Variants in GRIN2A observed in about 807,000 individuals in gnomAD.
GRIN2A encodes glutamate ionotropic receptor NMDA type subunit 2A.
GRIN2A carries 22 observed loss-of-function variants against 113.4 expected under a neutral mutation model. That is an observed-to-expected ratio of 0.19 (90% CI 0.14 to 0.28). GRIN2A has a LOEUF of 0.28. Ranked by LOEUF, GRIN2A falls within the 10% of genes least tolerant of loss-of-function variation. GRIN2A has a pLI of 1.00. For synonymous variants in GRIN2A, 827 were observed against 738.4 expected, an observed-to-expected ratio of 1.12 and a Z score of -1.94; for missense variants, 1,502 against 1,887.0, an observed-to-expected ratio of 0.80 and a Z score of 3.78.
At chr16:10,086,605 C>CAAAAAAAAA (rs3033377) in intron 2 of GRIN2A, among the ~76,000 whole-genome samples, 2 of 99,724 alleles carry the variant, frequency 2.0e-5, no homozygotes, top group Non-Finnish European at 4.0e-5. Flanking sequence ...GGAGCAGCTC[C>CAAAAAAAAA]AAAAAAAAAA....
intron 3 of GRIN2A, among the ~76,000 whole-genome samples, chr16:9,929,329 C>T (rs1223859325): frequency 6.6e-6 from 1 of 152,150 alleles, no homozygotes; most frequent in Non-Finnish European, 1.5e-5. Flanking sequence ...AATTGGATGT[C>T]CCTGACTCTC....
At chr16:10,017,451 C>G (rs1755074959) in intron 2 of GRIN2A, among the ~76,000 whole-genome samples, 1 of 152,060 alleles carries the variant, frequency 6.6e-6, no homozygotes, top group African/African-American at 2.4e-5. Flanking sequence ...AGTGCATGTT[C>G]TAGAGCCAAA....
intron 2 of GRIN2A, among the ~76,000 whole-genome samples, chr16:10,044,022 T>TATATATATATATAGAGAG (rs531659457): frequency 6.5e-5 from 7 of 108,014 alleles, no homozygotes; most frequent in African/African-American, 1.2e-4. Context: ...TATATATATA[T>TATATATATATATAGAGAG]AGAGAGAGAG....
rs768988228 is a variant in GRIN2A, at chr16:9,840,996, C to T, written c.1437G>A (p.Leu479=). Residue 479 remains leucine (L), a synonymous_variant, in exon 6 of 13, where the codon CTG becomes CTA. Transcript: ENST00000330684. ...RTVKFTYDLY[L]VTNGKHGKKV... is the part of the protein sequence containing the mutation. Reference sequence around the variant, plus strand: ...TCTTGCCATGCTTCCCATTGGTCACCAGATAGAGGTCGTAAGTAAACTTCA... The same window carrying T: ...TCTTGCCATGCTTCCCATTGGTCACTAGATAGAGGTCGTAAGTAAACTTCA... 2.5e-6 allele frequency: 4 copies of T among 1,613,538 alleles called. No homozygotes were observed. Among genetic ancestry groups the T allele is most frequent in the Admixed American group, 1.7e-5 (1 of 59,970 alleles).
intron 2 of GRIN2A, among the ~76,000 whole-genome samples, chr16:9,946,669 G>A (rs2045024794): frequency 1.3e-5 from 2 of 152,090 alleles, no homozygotes; most frequent in Admixed American, 1.3e-4. Context: ...ATTCGGGGGT[G>A]GAACATTTCC....
intron 2 of GRIN2A, among the ~76,000 whole-genome samples, chr16:10,086,605 CAA>C (rs3033377): frequency 2.2e-3 from 223 of 99,684 alleles, no homozygotes; most frequent in African/African-American, 3.4e-3. Context: ...GGAGCAGCTC[CAA>C]AAAAAAAAAA....
chr16:10,001,112 A>G (rs879920043), intron 2 of GRIN2A, among the ~76,000 whole-genome samples: 13 of 152,326 alleles, frequency 8.5e-5, no homozygotes, highest in Middle Eastern at 3.4e-3. Flanking sequence ...TGGGCAAGTT[A>G]CTTTTCCTTT....
chr16:10,059,282 T>G (rs755445832), intron 2 of GRIN2A, among the ~76,000 whole-genome samples: 2 of 151,658 alleles, frequency 1.3e-5, no homozygotes, highest in Non-Finnish European at 2.9e-5. Flanking sequence ...TACATTATAT[T>G]GTTTTAAAAG....
intron 2 of GRIN2A, among the ~76,000 whole-genome samples, chr16:9,971,227 GC>G (rs1390692052): frequency 6.6e-6 from 1 of 152,178 alleles, no homozygotes; most frequent in Non-Finnish European, 1.5e-5. Flanking sequence ...CAATAGAAAA[GC>G]CTAATTTTCA....
At chr16:9,825,102 T>C (rs2042361526) in intron 9 of GRIN2A, among the ~76,000 whole-genome samples, 2 of 152,222 alleles carry the variant, frequency 1.3e-5, no homozygotes, top group Non-Finnish European at 2.9e-5. Flanking sequence ...GGAACTCCCC[T>C]GGCTTCTCTG....
chr16:9,995,119 G>A (rs1023647255), intron 2 of GRIN2A, among the ~76,000 whole-genome samples: 6 of 152,244 alleles, frequency 3.9e-5, no homozygotes, highest in African/African-American at 1.4e-4. Context: ...ATCCCCTTAA[G>A]GTTAAGAGTA....
At chr16:9,844,912 AC>A (rs1439396735) in intron 5 of GRIN2A, among the ~76,000 whole-genome samples, 1 of 152,130 alleles carries the variant, frequency 6.6e-6, no homozygotes, top group African/African-American at 2.4e-5. Flanking sequence ...ATTTCCGGTT[AC>A]CTGGTATTCT....
chr16:9,897,119 T>G lies in GRIN2A; in HGVS notation c.1008-6019A>C, dbSNP rs1223447610. Among the ~76,000 whole-genome samples, 6 of 151,826 alleles carry G rather than the reference T, an allele frequency of 4.0e-5. No individual in the cohort carries two copies. In the South Asian group the frequency reaches 6.2e-4, roughly 16 times the overall value. ...GACTCTAGTGATTTGCCAAGACGAC[T>G]TCTGTGTTGTCATCCACTGGTGGTA... On this transcript the variant is annotated intron_variant, in intron 3 of 12. Coordinates refer to ENST00000330684, the MANE Select transcript of GRIN2A (RefSeq NM_001134407.3).
At chr16:10,043,783 T>A (rs892048368) in intron 2 of GRIN2A, among the ~76,000 whole-genome samples, 2 of 152,140 alleles carry the variant, frequency 1.3e-5, no homozygotes, top group Non-Finnish European at 2.9e-5. Context: ...ATACTCCTTT[T>A]GTTCAGCCCC....
chr16:10,043,628 C>G (rs902023234), intron 2 of GRIN2A, among the ~76,000 whole-genome samples: 2 of 152,212 alleles, frequency 1.3e-5, no homozygotes, highest in East Asian at 1.9e-4. Context: ...AGCCCACAGT[C>G]AAGGCTCCCT....
rs1018152206 is a variant in GRIN2A, at chr16:9,799,964, A to ATATTATTGTTATTATTAT, written c.2169-1501_2169-1500insATAATAATAACAATAATA. On this transcript the variant is annotated intron_variant, in intron 10 of 12. Transcript: ENST00000330684. ...TCTCCAAGGGCACAACTGTGCCTAA[A>ATATTATTGTTATTATTAT]TATTATTATTATTATTATTATTATT... Among the ~76,000 whole-genome samples the ATATTATTGTTATTATTAT allele has an allele frequency of 3.8e-3, 569 of 149,700 alleles. 7 individuals carry two copies. The highest frequency in any genetic ancestry group is 0.013 in the African/African-American group (519 of 40,642).
At chr16:10,046,870 T>G (rs1160763577) in intron 2 of GRIN2A, among the ~76,000 whole-genome samples, 3 of 152,228 alleles carry the variant, frequency 2.0e-5, no homozygotes, top group Non-Finnish European at 4.4e-5. Flanking sequence ...AGACTTCAGC[T>G]AACGTTTATT....
rs192659342 is a variant in GRIN2A at position 10,167,493 on chromosome 16, T to C, written c.414+12505A>G. Among the ~76,000 whole-genome samples, 329 of 152,230 alleles carry C rather than the reference T, an allele frequency of 2.2e-3. 1 individual carries two copies. The highest frequency in any genetic ancestry group is 7.5e-3 in the African/African-American group (310 of 41,518). On this transcript the variant is annotated intron_variant, in intron 2 of 12. Transcript: ENST00000330684. Reference sequence around the variant, plus strand: ...ATTGTAGTTTTCAAGTCAGGGATTGTAGTTTAAGAGAAGATCCTTTCCATA... The same window carrying C: ...ATTGTAGTTTTCAAGTCAGGGATTGCAGTTTAAGAGAAGATCCTTTCCATA...
chr16:10,151,605 C>T (rs949208193), intron 2 of GRIN2A, among the ~76,000 whole-genome samples: 37 of 152,192 alleles, frequency 2.4e-4, no homozygotes, highest in African/African-American at 8.7e-4. Flanking sequence ...TGACCAACAT[C>T]AGATTCAATT....
Sources: gnomAD v4.1 joint callset for allele counts (sites outside exome capture counted in the v4.1 genomes callset) on GRCh38, gnomAD v4.1.1 for gene constraint, MANE v1.5 for transcripts, NCBI Gene and HGNC (gene_info 2026-07-23, HGNC 2026-07-21) for gene names.